EGF: variants seen among roughly 807,000 people sequenced by gnomAD.
EGF encodes the protein epidermal growth factor, also known as pro-epidermal growth factor.
Under a neutral mutation model 143.8 loss-of-function variants are expected in EGF, and 95 were observed. That is an observed-to-expected ratio of 0.66 (90% CI 0.56 to 0.78). The LOEUF is 0.78. Among genes scored for constraint, EGF ranks in the 30% least tolerant of loss-of-function variants. The pLI, the probability that EGF is intolerant of heterozygous loss-of-function variation, is 0.00. For missense variants in EGF, 1,320 were observed against 1,470.9 expected (o/e 0.90, Z 1.68); for synonymous variants, 510 against 510.5 (o/e 1.00, Z 0.01).
At chr4:109,984,296 G>A (rs1266259768) in intron 16 of EGF, among the ~76,000 whole-genome samples, 1 of 151,916 alleles carries the variant, frequency 6.6e-6, no homozygotes, top group Non-Finnish European at 1.5e-5. Context: ...GACTTTTAAG[G>A]AGATGCTTTA....
rs913827959 is a variant in EGF at position 109,945,165 on chromosome 4, G to T, written c.830G>T (p.Gly277Val). Residue 277 changes from glycine (G) to valine (V), a missense_variant, in exon 5 of 24, where the codon GGA becomes GTA. This residue lies in a region of EGF where 1,186 missense variants were observed against 1,313.7 expected (regional missense o/e 0.90). Transcript: ENST00000265171. ...ATTTGGATAGCCAACAAACACACTGGAAAGGACATGGTTAGAATTAACCTC... is the reference window on the plus strand; with the variant it reads ...ATTTGGATAGCCAACAAACACACTGTAAAGGACATGGTTAGAATTAACCTC... The part of the protein sequence containing the change: ...KTIWIANKHT[G>V]KDMVRINLHS... 6.2e-7 allele frequency: 1 copy of T among 1,614,080 alleles called. No homozygotes were observed.
chr4:109,995,281 CA>C (rs1388860563), intron 20 of EGF, among the ~76,000 whole-genome samples: 2 of 152,138 alleles, frequency 1.3e-5, no homozygotes, highest in Admixed American at 6.5e-5. Flanking sequence ...TCTGGATTTA[CA>C]AAAGTTTGGT....
At chr4:109,936,854 G>T (rs893950854) in intron 1 of EGF, among the ~76,000 whole-genome samples, 1 of 152,220 alleles carries the variant, frequency 6.6e-6, no homozygotes, top group Non-Finnish European at 1.5e-5. Flanking sequence ...GGGGTTTTGA[G>T]TGAGTTTCTT....
At chr4:109,970,182 T>C (rs1177601102) in intron 11 of EGF, among the ~76,000 whole-genome samples, 2 of 152,084 alleles carry the variant, frequency 1.3e-5, no homozygotes, top group African/African-American at 4.8e-5. Flanking sequence ...ACCTCAGAAC[T>C]GAATGGCAGG....
chr4:109,934,774 C>T (rs1045811611), intron 1 of EGF, among the ~76,000 whole-genome samples: 1 of 152,038 alleles, frequency 6.6e-6, no homozygotes, highest in Non-Finnish European at 1.5e-5. Flanking sequence ...TCAGCTTTCT[C>T]CATATGTCTA....
At chr4:109,972,369 G>A (rs1227564829) in intron 11 of EGF, among the ~76,000 whole-genome samples, 1 of 152,162 alleles carries the variant, frequency 6.6e-6, no homozygotes, top group Non-Finnish European at 1.5e-5. Context: ...GCACAGTCAG[G>A]AGCTTATGTC....
intron 1 of EGF, among the ~76,000 whole-genome samples, chr4:109,920,821 G>A (rs1176768156): frequency 6.6e-6 from 1 of 151,636 alleles, no homozygotes; most frequent in Non-Finnish European, 1.5e-5. Flanking sequence ...CCTCCAGAAT[G>A]CTAATATTGT....
intron 1 of EGF, among the ~76,000 whole-genome samples, chr4:109,934,332 A>G (rs1404369832): frequency 6.6e-6 from 1 of 152,158 alleles, no homozygotes; most frequent in Admixed American, 6.5e-5. Context: ...GCAAACAGAG[A>G]CAATTTGACA....
In EGF at chr4:109,945,096, T is replaced by C. The variant is rs763686145; in HGVS notation, c.761T>C (p.Leu254Pro). 6.2e-7 allele frequency: 1 copy of C among 1,614,038 alleles called. No individual in the cohort carries two copies. The highest frequency in any genetic ancestry group is 1.7e-5 in the Admixed American group (1 of 60,010). ...AGGCATAATTTGTTTGCAATGTCCC[T>C]TTTTGGTGACCGTATCTTCTATTCA... ...PTQHNLFAMS[L>P]FGDRIFYSTW... The change falls in exon 5 of 24, where the codon CTT becomes CCT. Residue 254 changes from leucine (L) to proline (P), a missense_variant. This residue lies in a region of EGF where 1,186 missense variants were observed against 1,313.7 expected (regional missense o/e 0.90). Transcript: ENST00000265171.
At chr4:109,976,271 CTGAG>C in intron 13 of EGF, 36 bp downstream of exon 13, 1 of 1,565,560 alleles carries the variant, frequency 6.4e-7, no homozygotes, top group Non-Finnish European at 8.8e-7. Context: ...TTCATCTTGA[CTGAG>C]TGTTTATGAG....
intron 1 of EGF, among the ~76,000 whole-genome samples, chr4:109,914,053 A>G (rs1199466647): frequency 6.6e-6 from 1 of 152,212 alleles, no homozygotes; most frequent in Non-Finnish European, 1.5e-5. Flanking sequence ...TGCAACTTTA[A>G]GAACTGCCAA....
intron 1 of EGF, 21 bp downstream of exon 1, chr4:109,913,483 G>T: frequency 6.2e-7 from 1 of 1,612,008 alleles, no homozygotes; most frequent in Non-Finnish European, 8.5e-7. Flanking sequence ...CAATGAAAAG[G>T]TGCTCCAGGT....
chr4:109,995,519 T>C (rs1751673100), intron 20 of EGF, among the ~76,000 whole-genome samples: 1 of 152,216 alleles, frequency 6.6e-6, no homozygotes, highest in Non-Finnish European at 1.5e-5. Flanking sequence ...GCCCTAAAAC[T>C]ATGAGACATT....
At chr4:109,963,850 T>TA (rs1746110111) in intron 9 of EGF, among the ~76,000 whole-genome samples, 1 of 152,202 alleles carries the variant, frequency 6.6e-6, no homozygotes, top group Non-Finnish European at 1.5e-5. Context: ...CATAATGCTA[T>TA]CATGTAATGA....
rs1018155711 is a variant in EGF at position 110,013,529 on chromosome 4, C to T, written c.*2074C>T. On this transcript the variant is annotated 3_prime_UTR_variant, in exon 24 of 24. Transcript: ENST00000265171. ...CAGAGATATCTTCTTCTTGCAACTT[C>T]ACATCTTTATCAGTAATGTCCTCTT... Among the ~76,000 whole-genome samples the T allele has an allele frequency of 6.6e-6, 1 of 152,148 alleles. No homozygotes were observed. Among genetic ancestry groups the T allele is most frequent in the African/African-American group, 2.4e-5 (1 of 41,438 alleles).
Position 110,004,625 on chromosome 4 carries a change from A to G in EGF, c.3291+3A>G. ...TGTCCTCTTGCCCTCAACCTTGGGTAATGTGACCAAAGCAGATGAAGCAAG... is the reference window on the plus strand; with the variant it reads ...TGTCCTCTTGCCCTCAACCTTGGGTGATGTGACCAAAGCAGATGAAGCAAG... On this transcript the variant is annotated splice_donor_region_variant and intron_variant, in intron 22 of 23. Coordinates refer to ENST00000265171, the MANE Select transcript of EGF (RefSeq NM_001963.6). 1 of 1,613,488 alleles carries G rather than the reference A, an allele frequency of 6.2e-7. No homozygotes were observed. The highest frequency in any genetic ancestry group is 8.5e-7 in the Non-Finnish European group (1 of 1,179,478).
chr4:110,009,637 T>C (rs1753753533), intron 23 of EGF, among the ~76,000 whole-genome samples: 2 of 152,140 alleles, frequency 1.3e-5, no homozygotes, highest in African/African-American at 4.8e-5. Context: ...CTCATATAAC[T>C]ATCTCCCAGC....
Position 109,941,106 on chromosome 4 carries a change from AC to A in EGF, c.289del (p.Leu97PhefsTer7), listed in dbSNP as rs2126001502. On this transcript the variant is annotated frameshift_variant, in exon 2 of 24. Coordinates refer to ENST00000265171, the MANE Select transcript of EGF (RefSeq NM_001963.6). LOFTEE classifies it high-confidence loss of function. Reference protein sequence around the residue: ...RIYWVDLERQLLQRVFLNGSR... With the variant: ...RIYWVDLERQXLQRVFLNGSR... The stretch of plus-strand genomic sequence containing the variant: ...TCTATTGGGTGGATTTAGAAAGACA[AC>A]TTTTGCAAAGAGTTTTTCTGAATGG... 6.2e-7 allele frequency: 1 copy of A among 1,614,002 alleles called. No homozygotes were observed. Among genetic ancestry groups the A allele is most frequent in the African/African-American group, 1.3e-5 (1 of 75,032 alleles).
chr4:109,960,780 C>T (rs558797586), intron 6 of EGF, 87 bp from the exon 7 acceptor site: 2 of 1,487,064 alleles, frequency 1.3e-6, no homozygotes, highest in East Asian at 2.3e-5. Flanking sequence ...GTGTGAGATA[C>T]CCTGCGTTGT....
Sources: gnomAD v4.1 joint callset for allele counts (sites outside exome capture counted in the v4.1 genomes callset) on GRCh38, gnomAD v4.1.1 for gene constraint, gnomAD v4.1.1 regional missense constraint, MANE v1.5 for transcripts, NCBI Gene and HGNC (gene_info 2026-07-23, HGNC 2026-07-21) for gene names.